PPFIA2: variants seen among roughly 807,000 people sequenced by gnomAD.
PPFIA2 encodes PPFI scaffold protein A2.
A neutral mutation model predicts 175.5 loss-of-function variants in PPFIA2; 46 were observed. That is an observed-to-expected ratio of 0.26 (90% CI 0.21 to 0.34). PPFIA2 has a LOEUF of 0.34. Among genes scored for constraint, PPFIA2 ranks in the 10% least tolerant of loss-of-function variants. The pLI is 1.00. For synonymous variants in PPFIA2, 568 were observed against 511.4 expected (o/e 1.11, Z -1.49); for missense variants, 1,179 against 1,506.1 (o/e 0.78, Z 3.60).
In PPFIA2 at chr12:81,559,690, T is replaced by C. The variant is rs573305688; in HGVS notation, c.304-101824A>G. 5.3e-5 allele frequency among the ~76,000 whole-genome samples: 8 copies of C among 152,274 alleles called. 1 individual carries two copies. The East Asian group carries it at 1.2e-3, about 22-fold the overall frequency. ...AAACATCAAAAGGAAAACTTTTTTA[T>C]ATTTAGGTGAGATCTTGTAAACCTC... On this transcript the variant is annotated intron_variant, in intron 4 of 32. Coordinates refer to ENST00000549396, the MANE Select transcript of PPFIA2 (RefSeq NM_003625.5).
At chr12:81,272,158 A>C (rs1428762376) in intron 28 of PPFIA2, among the ~76,000 whole-genome samples, 1 of 152,082 alleles carries the variant, frequency 6.6e-6, no homozygotes, top group African/African-American at 2.4e-5. Context: ...GTGGGAAATC[A>C]TGGTTTTCAG....
Position 81,345,690 on chromosome 12 carries a change from T to C in PPFIA2, c.2233-997A>G, listed in dbSNP as rs1304587764. On this transcript the variant is annotated intron_variant, in intron 18 of 32. Coordinates refer to ENST00000549396, the MANE Select transcript of PPFIA2 (RefSeq NM_003625.5). Reference sequence around the variant, plus strand: ...CCTGCCTTGAATGCTGACTAAATTTTATTCTGTGGTCCAGGATTCTTACTA... The same window carrying C: ...CCTGCCTTGAATGCTGACTAAATTTCATTCTGTGGTCCAGGATTCTTACTA... Among the ~76,000 whole-genome samples, 4 of 152,206 alleles carry C rather than the reference T, an allele frequency of 2.6e-5. No homozygotes were observed. In the East Asian group the frequency reaches 7.7e-4, roughly 29 times the overall value.
At chr12:81,489,371 AT>A (rs2059184833) in intron 4 of PPFIA2, among the ~76,000 whole-genome samples, 1 of 151,832 alleles carries the variant, frequency 6.6e-6, no homozygotes, top group Admixed American at 6.6e-5. Flanking sequence ...CTCAAGATGC[AT>A]TCCCTATGAT....
intron 4 of PPFIA2, among the ~76,000 whole-genome samples, chr12:81,477,032 G>A (rs1413887686): frequency 1.3e-5 from 2 of 151,986 alleles, no homozygotes; most frequent in African/African-American, 4.8e-5. Context: ...CACAGGGAGG[G>A]GAACACACAC....
chr12:81,363,977 G>T (rs1208987260), intron 14 of PPFIA2, among the ~76,000 whole-genome samples: 2 of 151,820 alleles, frequency 1.3e-5, no homozygotes, highest in African/African-American at 4.8e-5. Context: ...ATGCAATTTA[G>T]AATTTAGTAG....
intron 4 of PPFIA2, among the ~76,000 whole-genome samples, chr12:81,572,803 A>G (rs1437559448): frequency 6.6e-6 from 1 of 151,954 alleles, no homozygotes; most frequent in South Asian, 2.1e-4. Context: ...AGGTCTAAAG[A>G]AGGCGAGCCT....
intron 23 of PPFIA2, among the ~76,000 whole-genome samples, chr12:81,298,999 A>C (rs573364491): frequency 6.6e-6 from 1 of 152,250 alleles, no homozygotes; most frequent in East Asian, 1.9e-4. Flanking sequence ...CCCTGGCCTA[A>C]TGGATGGGAA....
Position 81,347,535 on chromosome 12 carries a change from G to C in PPFIA2, c.2230C>G (p.Leu744Val). ...REMDRMGVMT[L>V]PSDLRKHRRK... ...GTTCTCTGGACACATCACCATACCA[G>C]TGTCATGACTCCCATCCGATCCATT... Residue 744 changes from leucine (L) to valine (V), a missense_variant and splice_region_variant, in exon 18 of 33, where the codon CTG becomes GTG. By Grantham distance (32) the Leu-to-Val change is conservative. This residue lies in a region of PPFIA2 where 223 missense variants were observed against 241.6 expected (regional missense o/e 0.92). Transcript: ENST00000549396. The C allele has an allele frequency of 6.3e-7, 1 of 1,595,892 alleles. No homozygotes were observed. The highest frequency in any genetic ancestry group is 8.6e-7 in the Non-Finnish European group (1 of 1,163,518).
At chr12:81,668,201 T>G (rs1338959663) in intron 4 of PPFIA2, among the ~76,000 whole-genome samples, 2 of 152,110 alleles carry the variant, frequency 1.3e-5, no homozygotes, top group African/African-American at 4.8e-5. Flanking sequence ...TTCTTAATAC[T>G]GGATCCCATT....
intron 4 of PPFIA2, among the ~76,000 whole-genome samples, chr12:81,462,585 C>CATATATATATATATATATATATACACAT (rs71098145): frequency 2.4e-5 from 3 of 124,680 alleles, no homozygotes; most frequent in Non-Finnish European, 5.1e-5. Context: ...TATATATATA[C>CATATATATATATATATATATATACACAT]ATATATATAT....
intron 2 of PPFIA2, 61 bp downstream of exon 2, chr12:81,758,339 G>C: frequency 6.6e-6 from 3 of 453,950 alleles, no homozygotes; most frequent in Middle Eastern, 3.3e-4. Flanking sequence ...GGGTGGGGCC[G>C]GGGAGGTGGT....
chr12:81,365,314 A>C (rs1285996375), intron 14 of PPFIA2, among the ~76,000 whole-genome samples: 1 of 151,806 alleles, frequency 6.6e-6, no homozygotes, highest in Non-Finnish European at 1.5e-5. Flanking sequence ...AGATTAGTGA[A>C]TGTGCCCATC....
In PPFIA2 at chr12:81,423,797, T is replaced by TA. The variant is rs910451854; in HGVS notation, c.645+16174dup. On this transcript the variant is annotated intron_variant, in intron 7 of 32. Coordinates refer to ENST00000549396, the MANE Select transcript of PPFIA2 (RefSeq NM_003625.5). ...AAGCAAACAATTGGAAAGGAAGAAG[T>TA]AAATAATCTGTATGCAAATGACATG... Among the ~76,000 whole-genome samples, 82 of 152,116 alleles carry TA rather than the reference T, an allele frequency of 5.4e-4. 1 individual carries two copies. Among genetic ancestry groups the TA allele is most frequent in the African/African-American group, 2.0e-3 (81 of 41,520 alleles).
chr12:81,584,643 C>T (rs935523019), intron 4 of PPFIA2, among the ~76,000 whole-genome samples: 1 of 150,638 alleles, frequency 6.6e-6, no homozygotes, highest in Non-Finnish European at 1.5e-5. Flanking sequence ...GCATAGCTTA[C>T]TGCTCCTAGG....
At chr12:81,509,633 T>G (rs1183102553) in intron 4 of PPFIA2, among the ~76,000 whole-genome samples, 1 of 151,796 alleles carries the variant, frequency 6.6e-6, no homozygotes, top group Non-Finnish European at 1.5e-5. Context: ...GATTCCTGAC[T>G]TCCTCTGTGG....
chr12:81,496,041 T>A lies in PPFIA2; in HGVS notation c.304-38175A>T, dbSNP rs1317856552. 2.0e-5 allele frequency among the ~76,000 whole-genome samples: 3 copies of A among 152,318 alleles called. No homozygotes were observed. In the East Asian group the frequency reaches 5.8e-4, roughly 29 times the overall value. On this transcript the variant is annotated intron_variant, in intron 4 of 32. Coordinates refer to ENST00000549396, the MANE Select transcript of PPFIA2 (RefSeq NM_003625.5). ...ACTTAATTGAGAACTACTTCACAGA[T>A]GACAATGCAGTGTTTTGTTGTATTG...
chr12:81,275,896 T>C (rs1218954270), intron 28 of PPFIA2, among the ~76,000 whole-genome samples: 1 of 151,866 alleles, frequency 6.6e-6, no homozygotes, highest in Admixed American at 6.6e-5. Context: ...GCCATTCTCC[T>C]GCCTCAGCCT....
chr12:81,747,491 C>A (rs767208719), intron 3 of PPFIA2, among the ~76,000 whole-genome samples: 1 of 143,302 alleles, frequency 7.0e-6, no homozygotes, highest in Non-Finnish European at 1.6e-5. Context: ...TCATTATTAC[C>A]CAGTAAAATT....
At chr12:81,510,154 A>G (rs1404928590) in intron 4 of PPFIA2, among the ~76,000 whole-genome samples, 1 of 152,064 alleles carries the variant, frequency 6.6e-6, no homozygotes, top group Non-Finnish European at 1.5e-5. Flanking sequence ...TTATATATCA[A>G]TATTTTCCAA....
Sources: gnomAD v4.1 joint callset for allele counts (sites outside exome capture counted in the v4.1 genomes callset) on GRCh38, gnomAD v4.1.1 for gene constraint, gnomAD v4.1.1 regional missense constraint, MANE v1.5 for transcripts, NCBI Gene and HGNC (gene_info 2026-07-23, HGNC 2026-07-21) for gene names.